Variants in TEX10 observed in about 807,000 individuals in gnomAD.
The protein encoded by TEX10 is testis expressed 10.
Under a neutral mutation model 104.4 loss-of-function variants are expected in TEX10, and 24 were observed. The observed-to-expected ratio is 0.23, with a 90% CI of 0.17 to 0.32. The LOEUF (loss-of-function observed/expected upper bound fraction) is 0.32. Ranked by LOEUF, TEX10 falls within the 10% of genes least tolerant of loss-of-function variation. TEX10 has a pLI of 1.00. For synonymous variants in TEX10, 396 were observed against 393.4 expected (o/e 1.01, Z -0.08); for missense variants, 921 against 1,083.9 (o/e 0.85, Z 2.11).
Position 100,352,874 on chromosome 9 carries a change from C to A in TEX10, c.-112G>T. ...GCGCCGCCGACCTCAGGCTCTAGCT[C>A]CCGGAGCGTGTTTTCAAATAGCCTC... On this transcript the variant is annotated 5_prime_UTR_variant, in exon 1 of 15. Coordinates refer to ENST00000374902, the MANE Select transcript of TEX10 (RefSeq NM_017746.4). 1 of 998,656 alleles carries A rather than the reference C, an allele frequency of 1.0e-6. No homozygotes were observed. Among genetic ancestry groups the A allele is most frequent in the Non-Finnish European group, 1.2e-6 (1 of 839,550 alleles). The allele number at this position is 998,656 out of a possible 1,614,324, so 61.9% of individuals were successfully genotyped here. A position where few individuals can be genotyped will look rare whatever the true frequency, so the allele number is the denominator to read the frequency against.
intron 1 of TEX10, among the ~76,000 whole-genome samples, chr9:100,349,684 G>C (rs1017873980): frequency 1.3e-5 from 2 of 151,810 alleles, no homozygotes; most frequent in Non-Finnish European, 2.9e-5. Flanking sequence ...TCCTTTGTTC[G>C]AGTGTAGGAG....
chr9:100,303,939 C>G (rs1834081563), intron 13 of TEX10, 97 bp from the exon 14 acceptor site: 3 of 1,200,300 alleles, frequency 2.5e-6, no homozygotes, highest in Admixed American at 2.0e-5. Context: ...TTTTAAGGAA[C>G]ATGTTTTCCA....
At chr9:100,352,277 AG>A in intron 1 of TEX10, 1 of 1,369,070 alleles carries the variant, frequency 7.3e-7, no homozygotes, top group Middle Eastern at 1.8e-4. Flanking sequence ...CAAATGGCCC[AG>A]GCAGGGGCGA....
intron 4 of TEX10, among the ~76,000 whole-genome samples, chr9:100,343,185 T>C (rs1015147377): frequency 7.6e-4 from 115 of 151,020 alleles, no homozygotes; most frequent in African/African-American, 2.8e-3. Context: ...ATCAAGGATA[T>C]AGCTAGCTAA....
chr9:100,324,861 T>C (rs1227494899), intron 9 of TEX10, among the ~76,000 whole-genome samples: 3 of 152,174 alleles, frequency 2.0e-5, no homozygotes, highest in African/African-American at 7.2e-5. Context: ...TTTAAAAATT[T>C]AACTTTTAAA....
At chr9:100,345,011 G>A (rs189621009) in intron 4 of TEX10, among the ~76,000 whole-genome samples, 160 of 152,114 alleles carry the variant, frequency 1.1e-3, no homozygotes, top group African/African-American at 3.7e-3. Flanking sequence ...TTTTTTTAAA[G>A]GAGCTATATA....
At chr9:100,311,815 T>C (rs1209008781) in intron 11 of TEX10, among the ~76,000 whole-genome samples, 1 of 152,088 alleles carries the variant, frequency 6.6e-6, no homozygotes, top group African/African-American at 2.4e-5. Flanking sequence ...TACAGTATAC[T>C]ACCAAAAATG....
intron 1 of TEX10, chr9:100,352,334 C>T: frequency 1.3e-6 from 2 of 1,549,654 alleles, no homozygotes; most frequent in Non-Finnish European, 1.7e-6. Context: ...ACTCTCCCGC[C>T]TGGGCGACCA....
In TEX10 at chr9:100,346,980, C is replaced by A. The variant is rs1313724399; in HGVS notation, c.607G>T (p.Asp203Tyr). The change falls in exon 3 of 15, where the codon GAC becomes TAC. Residue 203 changes from aspartate (D) to tyrosine (Y), a missense_variant. Physicochemically the swap from Asp to Tyr is radical, Grantham distance 160. Transcript: ENST00000374902. ...GAAAGTATCCAGGACTGGGATCTGT[C>A]TCTATTTATCAGTCCTTTGGACAGC... ...QQLSKGLINRDRSQSWILSVN... is the reference protein window; with the variant it reads ...QQLSKGLINRYRSQSWILSVN... The A allele has an allele frequency of 1.2e-6, 2 of 1,614,210 alleles. No individual in the cohort carries two copies. The highest frequency in any genetic ancestry group is 1.7e-6 in the Non-Finnish European group (2 of 1,180,030).
At chr9:100,352,649 G>A (rs906894773) in intron 1 of TEX10, 123 bp downstream of exon 1, 7 of 1,432,666 alleles carry the variant, frequency 4.9e-6, no homozygotes, top group Non-Finnish European at 5.5e-6. Context: ...GCCCAGACCC[G>A]GGGGACGCAA....
rs1835310690 is a variant in TEX10, at chr9:100,346,804, A to C, written c.783T>G (p.Thr261=). 1.2e-6 allele frequency: 2 copies of C among 1,614,170 alleles called. No homozygotes were observed. The highest frequency in any genetic ancestry group is 2.2e-5 in the South Asian group (2 of 91,082). ...TCCAGTTGATAAAAATGGAGTTGCT[A>C]GTGGCATGGGGATTTTCTTTCTGTT... is the stretch of plus-strand genomic sequence containing the variant. ...LQEQKENPHA[T]SNSIFINWKE... The change falls in exon 3 of 15, where the codon ACT becomes ACG. Residue 261 remains threonine, a synonymous_variant. Coordinates refer to ENST00000374902, the MANE Select transcript of TEX10 (RefSeq NM_017746.4).
chr9:100,305,590 G>C (rs1834123932), intron 13 of TEX10: 1 of 151,972 alleles, frequency 6.6e-6, no homozygotes, highest in Admixed American at 6.6e-5. Context: ...CTTAATTTGA[G>C]TGGATTTCAA....
In TEX10 at chr9:100,346,103, A is replaced by T. The variant is rs1046969954; in HGVS notation, c.1106T>A (p.Leu369His). The T allele has an allele frequency of 1.6e-5, 26 of 1,613,932 alleles. No individual in the cohort carries two copies. Among genetic ancestry groups the T allele is most frequent in the Non-Finnish European group, 1.9e-5 (23 of 1,179,884 alleles). ...ATGGGTTTCATCCTGTTGTTTAGAG[A>T]GTTTCCACAGAAGGGAAATAATATT... ...VLNIISLLWKLSKQQDETHKL... is the reference protein window; with the variant it reads ...VLNIISLLWKHSKQQDETHKL... The change falls in exon 4 of 15, where the codon CTC (leucine) becomes CAC (histidine). Residue 369 changes from leucine (L) to histidine (H), a missense_variant. Physicochemically the swap from Leu to His is moderately conservative, Grantham distance 99 (BLOSUM62 -3). Coordinates refer to ENST00000374902, the MANE Select transcript of TEX10 (RefSeq NM_017746.4).
Position 100,320,412 on chromosome 9 carries a change from CA to C in TEX10, c.2069-15del. On this transcript the variant is annotated splice_polypyrimidine_tract_variant and intron_variant, in intron 10 of 14. Transcript: ENST00000374902. ...CTTTCGAAAACCCTAATTCAGGTAA[CA>C]AAGAAAGCCAATTTAAAAAAACAAA... The C allele has an allele frequency of 1.9e-6, 3 of 1,571,582 alleles. No homozygotes were observed. The highest frequency in any genetic ancestry group is 2.6e-6 in the Non-Finnish European group (3 of 1,162,784).
intron 9 of TEX10, among the ~76,000 whole-genome samples, chr9:100,323,320 A>T (rs1834619807): frequency 6.6e-6 from 1 of 152,202 alleles, no homozygotes. Flanking sequence ...CTGGGCCAAA[A>T]GGAGTAAAAT....
At chr9:100,302,766 G>T (rs1269951446) in intron 14 of TEX10, among the ~76,000 whole-genome samples, 1 of 152,084 alleles carries the variant, frequency 6.6e-6, no homozygotes, top group East Asian at 1.9e-4. Flanking sequence ...CACTATTTCT[G>T]AATTATTCCA....
At chr9:100,313,871 C>A (rs890948476) in intron 11 of TEX10, among the ~76,000 whole-genome samples, 3 of 150,988 alleles carry the variant, frequency 2.0e-5, no homozygotes, top group Admixed American at 2.0e-4. Flanking sequence ...AAGAGACACA[C>A]ACATAGGAAC....
intron 14 of TEX10, 134 bp downstream of exon 14, chr9:100,303,498 A>G (rs12379475): frequency 1.1e-5 from 9 of 845,486 alleles, no homozygotes; most frequent in Non-Finnish European, 1.7e-5. Flanking sequence ...CTGAGAAACT[A>G]CCATATTGGG....
At chr9:100,306,590 G>A (rs1367087666) in intron 13 of TEX10, 1 of 152,174 alleles carries the variant, frequency 6.6e-6, no homozygotes, top group African/African-American at 2.4e-5. Flanking sequence ...CAGCACTTGT[G>A]AAATCAAAGG....
Sources: allele counts gnomAD v4.1 joint callset (sites outside exome capture counted in the v4.1 genomes callset), GRCh38; gene constraint gnomAD v4.1.1; transcripts MANE v1.5; gene names NCBI Gene and HGNC (gene_info 2026-07-23, HGNC 2026-07-21).